The following UBE4B variants were observed in gnomAD, a reference collection of about 807,000 sequenced individuals.
The protein encoded by UBE4B is ubiquitination factor E4B, also known as ubiquitin conjugation factor E4 B.
Under a neutral mutation model 148.1 loss-of-function variants are expected in UBE4B, and 27 were observed. The observed-to-expected ratio is 0.18, with a 90% CI of 0.13 to 0.25. The LOEUF (loss-of-function observed/expected upper bound fraction) is 0.25. UBE4B is among the 10% of genes least tolerant of loss of function. UBE4B has a pLI of 1.00. For synonymous variants in UBE4B, 596 were observed against 619.3 expected, an observed-to-expected ratio of 0.96 and a Z score of 0.56; for missense variants, 1,170 against 1,662.4, an observed-to-expected ratio of 0.70 and a Z score of 5.15.
chr1:10,040,993 A>G (rs1287459216), intron 1 of UBE4B, among the ~76,000 whole-genome samples: 1 of 152,042 alleles, frequency 6.6e-6, no homozygotes, highest in Non-Finnish European at 1.5e-5. Context: ...TTTTCCTCAG[A>G]AGATAGTTGC....
rs150151977 is a variant in UBE4B, at chr1:10,179,955, A to G, written c.3908A>G (p.Ter1303=). 7.9e-5 allele frequency: 128 copies of G among 1,613,992 alleles called. No homozygotes were observed. Among genetic ancestry groups the G allele is most frequent in the Non-Finnish European group, 9.8e-5 (116 of 1,180,032 alleles). ...AGAGAGAAACAGAACAGCGATCACT[A>G]AACCGTTCCGCCGCCCACCCTCTGC... is the stretch of plus-strand genomic sequence containing the variant. ...WMREKQNSDH[*] is the part of the protein sequence containing the mutation. Residue 1303 remains the stop codon, a stop_retained_variant, in exon 28 of 28, where the codon TAA becomes TGA. Transcript: ENST00000343090.
chr1:10,156,776 G>A (rs1222323271), intron 21 of UBE4B, among the ~76,000 whole-genome samples: 1 of 152,096 alleles, frequency 6.6e-6, no homozygotes, highest in East Asian at 1.9e-4. Flanking sequence ...AAGTACTTTC[G>A]GATCTTAGTA....
intron 15 of UBE4B, among the ~76,000 whole-genome samples, chr1:10,133,429 AG>A (rs1332546211): frequency 6.6e-6 from 1 of 152,194 alleles, no homozygotes; most frequent in Non-Finnish European, 1.5e-5. Context: ...CCTGGTACAC[AG>A]TGATCACTCA....
chr1:10,044,730 C>T (rs754229219), intron 1 of UBE4B, among the ~76,000 whole-genome samples: 1 of 151,090 alleles, frequency 6.6e-6, no homozygotes, highest in Non-Finnish European at 1.5e-5. Context: ...CATAGGCGCA[C>T]GCCATCATGC....
intron 7 of UBE4B, among the ~76,000 whole-genome samples, chr1:10,108,173 G>A (rs987074478): frequency 3.3e-5 from 5 of 151,628 alleles, no homozygotes; most frequent in African/African-American, 7.3e-5. Flanking sequence ...GTGTGCGTGC[G>A]TGCTCCCTTC....
chr1:10,144,733 T>TAAAAAA (rs765648505), intron 17 of UBE4B, among the ~76,000 whole-genome samples: 1 of 136,054 alleles, frequency 7.4e-6, no homozygotes, highest in African/African-American at 2.7e-5. Flanking sequence ...GACTCTGTCT[T>TAAAAAA]AAAAAAAAAA....
In UBE4B at chr1:10,095,480, G is replaced by C; in HGVS notation, c.231G>C (p.Gln77His). ...IGASGVAHRS[Q>H]SSEGVSSLSS... ...GTTTAGGAGTAGCCCATCGAAGCCAGAGCAGTGAAGGAGTCAGTTCTCTCA... is the reference window on the plus strand; with the variant it reads ...GTTTAGGAGTAGCCCATCGAAGCCACAGCAGTGAAGGAGTCAGTTCTCTCA... Residue 77 changes from glutamine (Q) to histidine (H), a missense_variant, in exon 3 of 28, where the codon CAG becomes CAC. Gln to His is a conservative substitution (Grantham distance 24, BLOSUM62 0). This residue lies in a region of UBE4B where 127 missense variants were observed against 153.2 expected (regional missense o/e 0.83). Coordinates refer to ENST00000343090, the MANE Select transcript of UBE4B (RefSeq NM_001105562.3). The C allele has an allele frequency of 6.2e-7, 1 of 1,614,170 alleles. No homozygotes were observed. The highest frequency in any genetic ancestry group is 1.3e-5 in the African/African-American group (1 of 75,034).
intron 9 of UBE4B, among the ~76,000 whole-genome samples, chr1:10,120,654 T>C (rs1280768899): frequency 1.3e-5 from 2 of 151,294 alleles, no homozygotes; most frequent in Non-Finnish European, 2.9e-5. Context: ...CTGGGCAACA[T>C]GGTGAAACCC....
intron 1 of UBE4B, among the ~76,000 whole-genome samples, chr1:10,045,844 T>C (rs756001442): frequency 6.6e-6 from 1 of 151,894 alleles, no homozygotes; most frequent in Non-Finnish European, 1.5e-5. Flanking sequence ...GCATGTGGAG[T>C]ATGAAAGAGT....
At position 10,151,479 on chromosome 1, in the gene UBE4B, A is replaced by G. The variant is rs1272708913; in HGVS notation, c.2844A>G (p.Arg948=). ...TGACCAACCCTGCTGTTCAGCCACGAACCCAGAAGTTTTTTGAAATGATTG... is the reference window on the plus strand; with the variant it reads ...TGACCAACCCTGCTGTTCAGCCACGGACCCAGAAGTTTTTTGAAATGATTG... ...MFMTNPAVQP[R]TQKFFEMIEN... Residue 948 remains arginine (R), a synonymous_variant, in exon 21 of 28, where the codon CGA becomes CGG. Coordinates refer to ENST00000343090, the MANE Select transcript of UBE4B (RefSeq NM_001105562.3). 3 of 1,614,052 alleles carry G rather than the reference A, an allele frequency of 1.9e-6. No individual in the cohort carries two copies. The South Asian group carries it at 3.3e-5, about 18-fold the overall frequency.
intron 19 of UBE4B, among the ~76,000 whole-genome samples, chr1:10,148,959 T>C (rs1291520941): frequency 6.6e-6 from 1 of 152,022 alleles, no homozygotes; most frequent in Non-Finnish European, 1.5e-5. Flanking sequence ...AAAAAAGAAA[T>C]CAAGAAAAGG....
intron 1 of UBE4B, among the ~76,000 whole-genome samples, chr1:10,044,084 G>A (rs1156312984): frequency 2.0e-5 from 3 of 151,344 alleles, no homozygotes; most frequent in South Asian, 4.2e-4. Flanking sequence ...TGTTACTCAC[G>A]CTGGAGTGCA....
At position 10,137,921 on chromosome 1, in the gene UBE4B, C is replaced by CTTTTTTTTT. The variant is rs70998351; in HGVS notation, c.2363+739_2363+747dup. Among the ~76,000 whole-genome samples the CTTTTTTTTT allele has an allele frequency of 4.3e-4, 29 of 67,032 alleles. 4 individuals carry two copies. Among genetic ancestry groups the CTTTTTTTTT allele is most frequent in the African/African-American group, 1.7e-3 (25 of 14,546 alleles). The allele number at this position is 67,032 out of a possible 152,430, so 44.0% of individuals were successfully genotyped here. A position where few individuals can be genotyped will look rare whatever the true frequency, so the allele number is the denominator to read the frequency against. On this transcript the variant is annotated intron_variant, in intron 17 of 27. Coordinates refer to ENST00000343090, the MANE Select transcript of UBE4B (RefSeq NM_001105562.3). ...ACCTTGCTTAAATCACTTACTAATTCTTTTTTTTTTTTTTTTTTTTTTTTT... is the reference window on the plus strand; with the variant it reads ...ACCTTGCTTAAATCACTTACTAATTCTTTTTTTTTTTTTTTTTTTTTTTTTTTTTTTTTT...
intron 14 of UBE4B, among the ~76,000 whole-genome samples, chr1:10,131,738 G>T (rs764163782): frequency 4.6e-5 from 7 of 152,040 alleles, no homozygotes; most frequent in Non-Finnish European, 8.8e-5. Flanking sequence ...GGATCACGAG[G>T]TCAGCAGTTT....
At chr1:10,112,250 G>T (rs1022479841) in intron 7 of UBE4B, among the ~76,000 whole-genome samples, 1 of 152,152 alleles carries the variant, frequency 6.6e-6, no homozygotes, top group African/African-American at 2.4e-5. Flanking sequence ...CTCCCAGAGG[G>T]AGGTATAATT....
intron 1 of UBE4B, among the ~76,000 whole-genome samples, chr1:10,038,035 C>T (rs151001500): frequency 2.1e-4 from 32 of 152,094 alleles, no homozygotes; most frequent in African/African-American, 7.5e-4. Context: ...AATCCCAGCG[C>T]TTTGGGAGGC....
In UBE4B at chr1:10,132,383, G is replaced by A; in HGVS notation, c.1926G>A (p.Lys642=). Residue 642 remains lysine, a synonymous_variant, in exon 15 of 28, where the codon AAG becomes AAA. Transcript: ENST00000343090. ...YLELGRQELF[K]ILHSILLNGE... ...ATAAATTTCAGCAAGAGCTTTTTAA[G>A]ATTCTGCATAGTATTTTGTTAAATG... The A allele has an allele frequency of 6.2e-7, 1 of 1,611,064 alleles. No homozygotes were observed. The highest frequency in any genetic ancestry group is 8.5e-7 in the Non-Finnish European group (1 of 1,179,264).
chr1:10,171,452 A>G (rs774053634), intron 25 of UBE4B, 123 bp downstream of exon 25: 351 of 1,271,170 alleles, frequency 2.8e-4, no homozygotes, highest in Non-Finnish European at 3.8e-4. Context: ...TTGAGTGTGA[A>G]GAGCAGATTT....
At chr1:10,033,901 T>C (rs988134896) in intron 1 of UBE4B, among the ~76,000 whole-genome samples, 1 of 152,214 alleles carries the variant, frequency 6.6e-6, no homozygotes, top group Non-Finnish European at 1.5e-5. Flanking sequence ...CTGAACTCCA[T>C]TTGCTTCTTT....
Sources: gnomAD v4.1 joint callset for allele counts (sites outside exome capture counted in the v4.1 genomes callset) on GRCh38, gnomAD v4.1.1 for gene constraint, gnomAD v4.1.1 regional missense constraint, MANE v1.5 for transcripts, NCBI Gene and HGNC (gene_info 2026-07-23, HGNC 2026-07-21) for gene names.